Variants in HERC4 observed in about 807,000 individuals in gnomAD.
The protein encoded by HERC4 is HECT and RLD domain containing E3 ubiquitin protein ligase 4.
HERC4 carries 28 observed loss-of-function variants against 124.3 expected under a neutral mutation model. The ratio of observed to expected loss-of-function variants is 0.23; its 90% CI spans 0.17 to 0.31. The LOEUF (loss-of-function observed/expected upper bound fraction) is 0.31. Among genes scored for constraint, HERC4 ranks in the 10% least tolerant of loss-of-function variants. The pLI is 1.00. For synonymous variants in HERC4, 407 were observed against 421.5 expected (o/e 0.97, Z 0.42); for missense variants, 713 against 1,229.3 (o/e 0.58, Z 6.28).
At chr10:68,005,317 T>C (rs918062396) in intron 9 of HERC4, among the ~76,000 whole-genome samples, 3 of 152,254 alleles carry the variant, frequency 2.0e-5, no homozygotes, top group African/African-American at 7.2e-5. Context: ...TTATACTTTT[T>C]GTCTTGAAAT....
intron 21 of HERC4, 75 bp from the exon 22 acceptor site, chr10:67,936,310 T>G: frequency 1.3e-6 from 1 of 799,832 alleles, no homozygotes; most frequent in East Asian, 2.9e-5. Context: ...TATTCTACCT[T>G]TCTCTCATTT....
At chr10:67,982,091 A>C (rs684284) in intron 15 of HERC4, among the ~76,000 whole-genome samples, 81,454 of 152,030 alleles carry the variant, frequency 0.54, 23,504 homozygotes, top group Non-Finnish European at 0.66. Flanking sequence ...AATGACATTG[A>C]TCACAGAAAT....
chr10:68,015,296 T>C (rs2038195508), intron 8 of HERC4, among the ~76,000 whole-genome samples: 1 of 152,220 alleles, frequency 6.6e-6, no homozygotes, highest in Non-Finnish European at 1.5e-5. Flanking sequence ...CATCCTAGAC[T>C]TCCAGCTCCT....
rs1589262026 is a variant in HERC4, at chr10:67,991,032, A to G, written c.1332-17T>C. On this transcript the variant is annotated splice_polypyrimidine_tract_variant and intron_variant, in intron 12 of 24. Coordinates refer to ENST00000373700, the MANE Select transcript of HERC4 (RefSeq NM_015601.4). ...TCATCATTGCTAAAAAACAGAAAAG[A>G]AAAAAAAAAATAGAATAAAAATTTA... is the stretch of plus-strand genomic sequence containing the variant. 1 of 238 alleles carries G rather than the reference A, an allele frequency of 4.2e-3. No homozygotes were observed. The highest frequency in any genetic ancestry group is 4.5e-3 in the Non-Finnish European group (1 of 222). 0.0% of individuals were successfully genotyped at this position (238 alleles called of 1,614,324 possible).
intron 3 of HERC4, chr10:68,067,872 G>T (rs1487905710): frequency 6.6e-6 from 1 of 152,118 alleles, no homozygotes; most frequent in East Asian, 1.9e-4. Flanking sequence ...CTTCCATTCA[G>T]TAATACACTA....
chr10:67,936,322 A>T, intron 21 of HERC4, 87 bp from the exon 22 acceptor site: 1 of 696,166 alleles, frequency 1.4e-6, no homozygotes. Context: ...CTCTCATTTA[A>T]TTAAAAAAAA....
intron 15 of HERC4, among the ~76,000 whole-genome samples, chr10:67,972,475 C>T (rs1279038299): frequency 4.7e-5 from 6 of 126,350 alleles, no homozygotes; most frequent in East Asian, 2.6e-4. Context: ...GAGCTGAGAT[C>T]GTGCCTGCAC....
intron 2 of HERC4, 25 bp downstream of exon 2, chr10:68,073,632 T>C (rs2041673010): frequency 6.5e-6 from 1 of 152,804 alleles, no homozygotes; most frequent in Non-Finnish European, 1.5e-5. Flanking sequence ...GCAATCCTAG[T>C]ATAATTAAGC....
intron 9 of HERC4, among the ~76,000 whole-genome samples, chr10:68,008,830 A>G (rs2037749328): frequency 6.6e-6 from 1 of 152,218 alleles, no homozygotes; most frequent in South Asian, 2.1e-4. Context: ...GCATACCTCA[A>G]AGATATTTAG....
At chr10:67,937,841 C>T (rs2032502335) in intron 21 of HERC4, among the ~76,000 whole-genome samples, 1 of 151,864 alleles carries the variant, frequency 6.6e-6, no homozygotes, top group African/African-American at 2.4e-5. Flanking sequence ...GCCACCATGC[C>T]TGGCTCATTT....
chr10:68,022,556 C>CA (rs1234619050), intron 8 of HERC4, among the ~76,000 whole-genome samples: 2 of 149,442 alleles, frequency 1.3e-5, no homozygotes, highest in Non-Finnish European at 3.0e-5. Flanking sequence ...TCAAATAGAT[C>CA]AAAGACCTAA....
chr10:68,032,995 G>A lies in HERC4; in HGVS notation c.686-126C>T, dbSNP rs1390947660. On this transcript the variant is annotated intron_variant, in intron 6 of 24. Coordinates refer to ENST00000373700, the MANE Select transcript of HERC4 (RefSeq NM_015601.4). ...TAAATAATTTTAACTATGATTCGAT[G>A]ATTTTGTAGTACAAGCTTACTAAGT... The A allele has an allele frequency of 4.9e-6, 3 of 618,026 alleles. No individual in the cohort carries two copies. The Admixed American group carries it at 7.9e-5, about 16-fold the overall frequency. The allele number at this position is 618,026 out of a possible 1,614,324, so 38.3% of individuals were successfully genotyped here.
chr10:68,048,225 A>G (rs1047104876), intron 3 of HERC4, among the ~76,000 whole-genome samples: 2 of 152,152 alleles, frequency 1.3e-5, no homozygotes, highest in Admixed American at 6.6e-5. Context: ...CAGCCCACAC[A>G]GAAGTTTCTA....
At chr10:68,036,386 CAA>C (rs1365814396) in intron 5 of HERC4, among the ~76,000 whole-genome samples, 1 of 147,906 alleles carries the variant, frequency 6.8e-6, no homozygotes, top group Non-Finnish European at 1.5e-5. Context: ...AGTAAACAAA[CAA>C]ACAAAAAGGT....
At chr10:67,925,210 T>A in intron 23 of HERC4, 23 bp from the exon 24 acceptor site, 1 of 1,374,130 alleles carries the variant, frequency 7.3e-7, no homozygotes, top group Non-Finnish European at 1.0e-6. Context: ...TAATCTTTTA[T>A]TAGTATTAAG....
intron 7 of HERC4, 71 bp from the exon 8 acceptor site, chr10:68,025,747 A>C: frequency 6.8e-7 from 1 of 1,481,174 alleles, no homozygotes; most frequent in South Asian, 1.3e-5. Context: ...CAGAAAAATA[A>C]GTCCAAATCT....
chr10:68,056,584 A>AT (rs1166885090), intron 3 of HERC4, among the ~76,000 whole-genome samples: 1 of 152,228 alleles, frequency 6.6e-6, no homozygotes, highest in Non-Finnish European at 1.5e-5. Flanking sequence ...CCAAGGAGTA[A>AT]TGATGGAGAT....
At chr10:67,937,835 C>A (rs1480111988) in intron 21 of HERC4, among the ~76,000 whole-genome samples, 1 of 151,802 alleles carries the variant, frequency 6.6e-6, no homozygotes, top group Non-Finnish European at 1.5e-5. Context: ...GTACGTGCCA[C>A]CATGCCTGGC....
At chr10:67,993,808 G>C (rs1164118912) in intron 9 of HERC4, 3 of 152,130 alleles carry the variant, frequency 2.0e-5, no homozygotes, top group Non-Finnish European at 4.4e-5. Context: ...AAACTGGAAA[G>C]AGTATCTATT....
Sources: gnomAD v4.1 joint callset for allele counts (sites outside exome capture counted in the v4.1 genomes callset) on GRCh38, gnomAD v4.1.1 for gene constraint, MANE v1.5 for transcripts, NCBI Gene and HGNC (gene_info 2026-07-23, HGNC 2026-07-21) for gene names.